PBX4: variants seen among roughly 807,000 people sequenced by gnomAD.
The protein encoded by PBX4 is PBX homeobox 4, also known as pre-B-cell leukemia transcription factor 4.
PBX4 carries 26 observed loss-of-function variants against 35.1 expected under a neutral mutation model. That is an observed-to-expected ratio of 0.74 (90% CI 0.54 to 1.03). The LOEUF (loss-of-function observed/expected upper bound fraction) is 1.03, where lower values mean the gene tolerates loss of function less well. Ranked by LOEUF, PBX4 falls within the 50% of genes least tolerant of loss-of-function variation. The pLI, the probability that PBX4 is intolerant of heterozygous loss-of-function variation, is 0.00. For synonymous variants in PBX4, 199 were observed against 204.2 expected (o/e 0.97, Z 0.22); for missense variants, 448 against 504.3 (o/e 0.89, Z 1.07).
intron 2 of PBX4, among the ~76,000 whole-genome samples, chr19:19,571,327 G>T (rs1428041822): frequency 6.6e-6 from 1 of 152,158 alleles, no homozygotes; most frequent in Non-Finnish European, 1.5e-5. Flanking sequence ...GTGTGTTGGG[G>T]TGGGGGTGCT....
chr19:19,593,363 C>T (rs944013452), intron 2 of PBX4, among the ~76,000 whole-genome samples: 11 of 152,172 alleles, frequency 7.2e-5, no homozygotes, highest in African/African-American at 1.9e-4. Flanking sequence ...AGAGGCGGCC[C>T]GTGGGTACCA....
intron 2 of PBX4, among the ~76,000 whole-genome samples, chr19:19,573,495 G>GAATA (rs1437757332): frequency 1.3e-5 from 2 of 152,108 alleles, no homozygotes; most frequent in Non-Finnish European, 2.9e-5. Flanking sequence ...TTTCAAGGTA[G>GAATA]AATAGATGGC....
At chr19:19,572,966 A>T (rs963561647) in intron 2 of PBX4, among the ~76,000 whole-genome samples, 2 of 150,488 alleles carry the variant, frequency 1.3e-5, no homozygotes, top group Non-Finnish European at 3.0e-5. Context: ...GACAAAAAAA[A>T]TTAGCAACCA....
Position 19,570,595 on chromosome 19 carries a change from T to C in PBX4, c.432A>G (p.Lys144=). Residue 144 remains lysine (K), a synonymous_variant, in exon 3 of 8, where the codon AAA becomes AAG. Transcript: ENST00000251203. ...IRQIYHSELE[K]YEQACREFTT... ...CATGCAGAAAGATCACCTGTTCATA[T>C]TTCTCTAGCTCAGAGTGGTAAATCT... is the stretch of plus-strand genomic sequence containing the variant. 1 of 1,613,702 alleles carries C rather than the reference T, an allele frequency of 6.2e-7. No individual in the cohort carries two copies. The highest frequency in any genetic ancestry group is 1.3e-5 in the African/African-American group (1 of 75,058).
intron 1 of PBX4, among the ~76,000 whole-genome samples, chr19:19,611,514 A>C (rs1198955153): frequency 6.6e-6 from 1 of 151,912 alleles, no homozygotes; most frequent in Non-Finnish European, 1.5e-5. Flanking sequence ...CCCCGTCTCT[A>C]CTAAAAATAC....
chr19:19,564,719 T>C (rs1252564133), intron 6 of PBX4: 1 of 609,200 alleles, frequency 1.6e-6, no homozygotes, highest in East Asian at 2.9e-5. Flanking sequence ...TCTTTTCTTA[T>C]TAGTATCGCC....
chr19:19,584,107 G>A (rs1305806951), intron 2 of PBX4, among the ~76,000 whole-genome samples: 2 of 151,600 alleles, frequency 1.3e-5, no homozygotes, highest in African/African-American at 2.4e-5. Context: ...GTGTAGTGGT[G>A]CACACCTGTA....
At chr19:19,591,577 G>A (rs1181618302) in intron 2 of PBX4, among the ~76,000 whole-genome samples, 1 of 152,248 alleles carries the variant, frequency 6.6e-6, no homozygotes, top group Non-Finnish European at 1.5e-5. Context: ...ACAGGGTGGA[G>A]AAGGCAAAGC....
At chr19:19,615,165 CAAAAAAAAAA>C (rs33921244) in intron 1 of PBX4, among the ~76,000 whole-genome samples, 8 of 54,156 alleles carry the variant, frequency 1.5e-4, no homozygotes, top group South Asian at 8.3e-4. Flanking sequence ...ACCCTGTCTC[CAAAAAAAAAA>C]AAAAAAAAAA....
intron 2 of PBX4, among the ~76,000 whole-genome samples, chr19:19,583,868 G>A (rs1161885341): frequency 6.6e-6 from 1 of 152,066 alleles, no homozygotes; most frequent in African/African-American, 2.4e-5. Context: ...TCAGGAGTTG[G>A]AGACCAGCCT....
intron 2 of PBX4, among the ~76,000 whole-genome samples, chr19:19,593,672 C>A (rs2061542268): frequency 6.6e-6 from 1 of 152,186 alleles, no homozygotes; most frequent in Admixed American, 6.5e-5. Flanking sequence ...CAGGGAGGAG[C>A]AGTTGCTGTC....
At chr19:19,593,092 TCTTTG>T (rs2061538810) in intron 2 of PBX4, among the ~76,000 whole-genome samples, 2 of 152,186 alleles carry the variant, frequency 1.3e-5, no homozygotes, top group Non-Finnish European at 2.9e-5. Context: ...CCAGACTTAA[TCTTTG>T]CCGTTGTTGT....
intron 2 of PBX4, among the ~76,000 whole-genome samples, chr19:19,578,507 C>T (rs2061434649): frequency 6.6e-6 from 1 of 152,198 alleles, no homozygotes; most frequent in Admixed American, 6.5e-5. Flanking sequence ...GGGCCCTTGA[C>T]TGGCAGGCAG....
intron 5 of PBX4, among the ~76,000 whole-genome samples, chr19:19,566,898 C>T (rs1472517465): frequency 2.0e-5 from 3 of 152,048 alleles, no homozygotes; most frequent in Non-Finnish European, 2.9e-5. Flanking sequence ...CCAGTAGCCA[C>T]GGGGTTTCAC....
intron 2 of PBX4, among the ~76,000 whole-genome samples, chr19:19,593,688 C>T (rs2061542386): frequency 6.6e-6 from 1 of 152,164 alleles, no homozygotes; most frequent in African/African-American, 2.4e-5. Context: ...CTGTCTCATC[C>T]CTGTCCTACT....
intron 2 of PBX4, chr19:19,588,383 G>A (rs560403161): frequency 2.5e-4 from 338 of 1,348,622 alleles, no homozygotes; most frequent in African/African-American, 1.5e-3. Flanking sequence ...GCCTGCTTGC[G>A]GCAAAAGATC....
At chr19:19,576,965 T>C (rs912178834) in intron 2 of PBX4, among the ~76,000 whole-genome samples, 3 of 152,086 alleles carry the variant, frequency 2.0e-5, no homozygotes, top group Non-Finnish European at 4.4e-5. Flanking sequence ...TGTTCTCCAA[T>C]TAAAACTCTC....
At chr19:19,588,230 C>A in intron 2 of PBX4, 1 of 1,368,422 alleles carries the variant, frequency 7.3e-7, no homozygotes, top group Non-Finnish European at 1.0e-6. Flanking sequence ...GACCCCAGGG[C>A]CTCCACAGAT....
chr19:19,568,752 A>ATCTGTATCCCTCAGGGAGCTCATACTCTG (rs2061361305), intron 5 of PBX4, among the ~76,000 whole-genome samples: 2 of 150,122 alleles, frequency 1.3e-5, no homozygotes, highest in African/African-American at 4.9e-5. Flanking sequence ...CTCACACTCC[A>ATCTGTATCCCTCAGGGAGCTCATACTCTG]TCTGTATCCC....
Sources: allele counts gnomAD v4.1 joint callset (sites outside exome capture counted in the v4.1 genomes callset), GRCh38; gene constraint gnomAD v4.1.1; transcripts MANE v1.5; gene names NCBI Gene and HGNC (gene_info 2026-07-23, HGNC 2026-07-21).